The following RPTOR variants were observed in gnomAD, a reference collection of about 807,000 sequenced individuals.
RPTOR encodes regulatory-associated protein of mTOR.
RPTOR carries 21 observed loss-of-function variants against 169.9 expected under a neutral mutation model. The observed-to-expected ratio is 0.12, with a 90% confidence interval of 0.09 to 0.18. The LOEUF is 0.18. RPTOR is among the 10% of genes least tolerant of loss of function. The probability of loss-of-function intolerance (pLI) is 1.00; values close to 1 mark genes in which losing one functional copy is unlikely to be tolerated. For missense variants in RPTOR, 1,133 were observed against 1,855.9 expected, an observed-to-expected ratio of 0.61 and a Z score of 7.16; for synonymous variants, 732 against 753.2, an observed-to-expected ratio of 0.97 and a Z score of 0.46.
chr17:80,880,276 A>G, intron 13 of RPTOR, 139 bp from the exon 14 acceptor site: 1 of 736,474 alleles, frequency 1.4e-6, no homozygotes, highest in Non-Finnish European at 2.4e-6. Context: ...GCTGTTTTTC[A>G]AATGAAAACT....
intron 11 of RPTOR, among the ~76,000 whole-genome samples, chr17:80,849,883 G>T (rs369450586): frequency 4.6e-5 from 7 of 152,330 alleles, no homozygotes; most frequent in African/African-American, 1.7e-4. Flanking sequence ...TTGCCCTCTG[G>T]CTTCGGCAGC....
rs2066150278 is a variant in RPTOR, at chr17:80,707,467, A to G, written c.349-374A>G. Among the ~76,000 whole-genome samples the G allele has an allele frequency of 6.6e-6, 1 of 151,988 alleles. No individual in the cohort carries two copies. Among genetic ancestry groups the G allele is most frequent in the Non-Finnish European group, 1.5e-5 (1 of 68,016 alleles). ...CAGGCTGGAGTACAGTGTTGTGATC[A>G]TGGTTCACTGCAACCTCAACCTCCT... On this transcript the variant is annotated intron_variant, in intron 3 of 33. Coordinates refer to ENST00000306801, the MANE Select transcript of RPTOR (RefSeq NM_020761.3). This position sits in a 1 kb window ranked among gnomAD's most constrained non-coding sequence, Gnocchi z 5.0.
chr17:80,886,662 C>G (rs778952879), intron 17 of RPTOR, among the ~76,000 whole-genome samples: 16 of 152,256 alleles, frequency 1.1e-4, no homozygotes, highest in Non-Finnish European at 2.2e-4. Flanking sequence ...TGGTGTGGCC[C>G]TGGCTGCTGA....
At chr17:80,608,698 ATGTTCG>A (rs1011641853) in intron 1 of RPTOR, among the ~76,000 whole-genome samples, 3 of 152,088 alleles carry the variant, frequency 2.0e-5, no homozygotes, top group Non-Finnish European at 2.9e-5. Flanking sequence ...TGAGTCCAGC[ATGTTCG>A]GGGCACTTTC....
chr17:80,582,256 C>G (rs1212579164), intron 1 of RPTOR, among the ~76,000 whole-genome samples: 1 of 152,180 alleles, frequency 6.6e-6, no homozygotes, highest in Non-Finnish European at 1.5e-5. Flanking sequence ...GGCTTGTGGA[C>G]TTAGATGGGT....
At chr17:80,789,030 T>C (rs1476608843) in intron 6 of RPTOR, among the ~76,000 whole-genome samples, 1 of 152,256 alleles carries the variant, frequency 6.6e-6, no homozygotes, top group African/African-American at 2.4e-5. Flanking sequence ...CGCTTATTCA[T>C]ATAGCCATGC....
At chr17:80,602,886 T>C (rs2065200889) in intron 1 of RPTOR, 1 of 476,810 alleles carries the variant, frequency 2.1e-6, no homozygotes, top group African/African-American at 2.0e-5. Context: ...GATTGCAGAA[T>C]GGCCGTTTTT....
intron 30 of RPTOR, 63 bp from the exon 31 acceptor site, chr17:80,961,331 G>A: frequency 1.4e-6 from 2 of 1,461,700 alleles, no homozygotes; most frequent in South Asian, 1.3e-5. Context: ...CCCGGTGAGA[G>A]CCCCGAAGGG....
chr17:80,631,719 T>C (rs2065443902), intron 2 of RPTOR, among the ~76,000 whole-genome samples: 2 of 152,224 alleles, frequency 1.3e-5, no homozygotes, highest in Non-Finnish European at 2.9e-5. Flanking sequence ...CTACAAATTA[T>C]TCTCAGCCTG....
intron 3 of RPTOR, among the ~76,000 whole-genome samples, chr17:80,656,188 A>C (rs1461657725): frequency 6.6e-6 from 1 of 152,140 alleles, no homozygotes; most frequent in East Asian, 1.9e-4. Flanking sequence ...CTCCTGTCTC[A>C]GCCTCCCGAG....
intron 20 of RPTOR, among the ~76,000 whole-genome samples, chr17:80,900,815 T>C (rs1043025272): frequency 1.3e-5 from 2 of 152,246 alleles, no homozygotes; most frequent in African/African-American, 4.8e-5. Flanking sequence ...GGCCTGCAAG[T>C]GTGCAGAACC....
At chr17:80,637,356 C>G (rs1312026852) in intron 2 of RPTOR, among the ~76,000 whole-genome samples, 2 of 152,170 alleles carry the variant, frequency 1.3e-5, no homozygotes, top group African/African-American at 4.8e-5. Flanking sequence ...AGGTCCTGAG[C>G]GTGCTGGAAC....
intron 3 of RPTOR, among the ~76,000 whole-genome samples, chr17:80,693,572 C>T (rs1220358245): frequency 1.3e-5 from 2 of 152,150 alleles, no homozygotes; most frequent in African/African-American, 4.8e-5. Flanking sequence ...GTAACTCTGC[C>T]CTTACTGGGC....
chr17:80,960,680 G>T lies in RPTOR; in HGVS notation c.3605+475G>T. Reference sequence around the variant, plus strand: ...CCACTGAGCACCCCTGTGGGCAGGTGCTGTCCGCGTCTGGCAGAGGACAGG... The same window carrying T: ...CCACTGAGCACCCCTGTGGGCAGGTTCTGTCCGCGTCTGGCAGAGGACAGG... On this transcript the variant is annotated intron_variant, in intron 30 of 33. Coordinates refer to ENST00000306801, the MANE Select transcript of RPTOR (RefSeq NM_020761.3). The surrounding 1 kb of genome is among the most constrained non-coding windows in gnomAD (Gnocchi z 4.8). 4.9e-6 allele frequency: 1 copy of T among 202,202 alleles called. No individual in the cohort carries two copies. Among genetic ancestry groups the T allele is most frequent in the South Asian group, 9.4e-5 (1 of 10,592 alleles). 12.5% of individuals were successfully genotyped at this position (202,202 alleles called of 1,614,324 possible). A position where few individuals can be genotyped will look rare whatever the true frequency, so the allele number is the denominator to read the frequency against.
Position 80,880,279 on chromosome 17 carries a change from T to C in RPTOR, c.1510-136T>C. The stretch of plus-strand genomic sequence containing the variant: ...GCACCGGCTGCAGCTGTTTTTCAAA[T>C]GAAAACTGGGCTTGAAAGGAGGAAA... On this transcript the variant is annotated intron_variant, in intron 13 of 33. Coordinates refer to ENST00000306801, the MANE Select transcript of RPTOR (RefSeq NM_020761.3). The C allele has an allele frequency of 4.0e-6, 3 of 751,050 alleles. No individual in the cohort carries two copies. The Admixed American group carries it at 6.3e-5, about 16-fold the overall frequency. The allele number at this position is 751,050 out of a possible 1,614,324, so 46.5% of individuals were successfully genotyped here. A position where few individuals can be genotyped will look rare whatever the true frequency, so the allele number is the denominator to read the frequency against.
At chr17:80,884,396 A>G (rs1279032248) in intron 16 of RPTOR, among the ~76,000 whole-genome samples, 1 of 152,016 alleles carries the variant, frequency 6.6e-6, no homozygotes, top group Non-Finnish European at 1.5e-5. Flanking sequence ...GCGGGCTGGA[A>G]CTCTGGGAGT....
At chr17:80,608,093 C>G (rs559351491) in intron 1 of RPTOR, among the ~76,000 whole-genome samples, 1 of 152,272 alleles carries the variant, frequency 6.6e-6, no homozygotes, top group South Asian at 2.1e-4. Flanking sequence ...TTTTTGCTTG[C>G]TGTCACTTAA....
intron 28 of RPTOR, 50 bp downstream of exon 28, chr17:80,949,597 G>A (rs764884019): frequency 1.8e-5 from 26 of 1,471,026 alleles, no homozygotes; most frequent in Non-Finnish European, 2.1e-5. Context: ...CCGGGGCTGC[G>A]GACGCACTCG....
intron 28 of RPTOR, among the ~76,000 whole-genome samples, chr17:80,956,687 C>T (rs200898235): frequency 6.6e-6 from 1 of 152,254 alleles, no homozygotes; most frequent in East Asian, 1.9e-4. Context: ...GGGTCTGCTC[C>T]AGATGGTGAG....
Sources: gnomAD v4.1 joint callset for allele counts (sites outside exome capture counted in the v4.1 genomes callset) on GRCh38, gnomAD v4.1.1 for gene constraint, Gnocchi (gnomAD v3.1) non-coding constraint, MANE v1.5 for transcripts, NCBI Gene and HGNC (gene_info 2026-07-23, HGNC 2026-07-21) for gene names.